ADAM12: variants seen among roughly 807,000 people sequenced by gnomAD.
The protein encoded by ADAM12 is ADAM metallopeptidase domain 12, also known as disintegrin and metalloproteinase domain-containing protein 12.
Under a neutral mutation model 106.4 loss-of-function variants are expected in ADAM12, and 70 were observed. The observed-to-expected ratio is 0.66, with a 90% CI of 0.54 to 0.80. The LOEUF (loss-of-function observed/expected upper bound fraction) is 0.80, where lower values mean the gene tolerates loss of function less well. Ranked by LOEUF, ADAM12 falls within the 30% of genes least tolerant of loss-of-function variation. The pLI is 0.00. For missense variants in ADAM12, 1,010 were observed against 1,171.9 expected (o/e 0.86, Z 2.02); for synonymous variants, 420 against 433.5 (o/e 0.97, Z 0.39).
intron 12 of ADAM12, among the ~76,000 whole-genome samples, chr10:126,067,552 A>T (rs1954897109): frequency 6.6e-6 from 1 of 152,228 alleles, no homozygotes; most frequent in Admixed American, 6.5e-5. Flanking sequence ...ACACGTACCC[A>T]TTGCTTCCAT....
At chr10:126,176,866 CTGAGAGAGAGAAAAAGCA>C (rs1458761036) in intron 3 of ADAM12, among the ~76,000 whole-genome samples, 1 of 152,094 alleles carries the variant, frequency 6.6e-6, no homozygotes, top group African/African-American at 2.4e-5. Context: ...CTGCCGAAGC[CTGAGAGAGAGAAAAAGCA>C]TGGAGAGAAA....
intron 4 of ADAM12, among the ~76,000 whole-genome samples, chr10:126,139,484 T>G (rs1956470109): frequency 6.6e-6 from 1 of 152,238 alleles, no homozygotes; most frequent in Non-Finnish European, 1.5e-5. Flanking sequence ...CGTATCTTTT[T>G]TCTATGTTGC....
At chr10:126,050,832 C>T (rs1954463261) in intron 14 of ADAM12, among the ~76,000 whole-genome samples, 1 of 152,226 alleles carries the variant, frequency 6.6e-6, no homozygotes. Flanking sequence ...GCTCCAATCT[C>T]TGCAATGAGC....
chr10:126,083,137 C>G (rs893472364), intron 11 of ADAM12, among the ~76,000 whole-genome samples: 1 of 152,200 alleles, frequency 6.6e-6, no homozygotes, highest in Non-Finnish European at 1.5e-5. Flanking sequence ...CTGCCTGGAG[C>G]GGGGCTGGCC....
chr10:126,329,328 T>C (rs1309721100), intron 2 of ADAM12, among the ~76,000 whole-genome samples: 4 of 152,212 alleles, frequency 2.6e-5, no homozygotes, highest in Admixed American at 6.5e-5. Context: ...TATTTTTCTA[T>C]TATTCATGTA....
At chr10:126,165,762 C>T (rs1011968881) in intron 3 of ADAM12, among the ~76,000 whole-genome samples, 8 of 152,180 alleles carry the variant, frequency 5.3e-5, no homozygotes, top group Non-Finnish European at 1.0e-4. Context: ...TTTTTTCCTC[C>T]ATGTTGGAAG....
At chr10:126,353,216 G>T (rs1455747843) in intron 1 of ADAM12, among the ~76,000 whole-genome samples, 1 of 152,216 alleles carries the variant, frequency 6.6e-6, no homozygotes, top group Non-Finnish European at 1.5e-5. Flanking sequence ...CTCATGGATG[G>T]ATCATTGTGT....
At chr10:126,340,102 C>T (rs1007109139) in intron 1 of ADAM12, among the ~76,000 whole-genome samples, 3 of 152,222 alleles carry the variant, frequency 2.0e-5, no homozygotes, top group African/African-American at 2.4e-5. Context: ...ATCCACCCAC[C>T]TTGGCTTCCC....
intron 1 of ADAM12, among the ~76,000 whole-genome samples, chr10:126,350,520 G>C (rs1855312246): frequency 6.6e-6 from 1 of 152,222 alleles, no homozygotes; most frequent in South Asian, 2.1e-4. Flanking sequence ...ACCTGGCCCT[G>C]TCAACTCCAT....
At position 126,049,474 on chromosome 10, in the gene ADAM12, T is replaced by G. The variant is rs777124254; in HGVS notation, c.1719-23A>C. 9.3e-6 allele frequency: 15 copies of G among 1,614,042 alleles called. No individual in the cohort carries two copies. The highest frequency in any genetic ancestry group is 1.1e-5 in the Non-Finnish European group (13 of 1,179,928). ...TCTCTGGAAGGGTAAGAACAAACAATTCCCAAGGAGAAACCATTTGGAACC... is the reference window on the plus strand; with the variant it reads ...TCTCTGGAAGGGTAAGAACAAACAAGTCCCAAGGAGAAACCATTTGGAACC... On this transcript the variant is annotated intron_variant, in intron 15 of 22. Transcript: ENST00000448723. This position sits in a 1 kb window ranked among gnomAD's most constrained non-coding sequence, Gnocchi z 4.4.
chr10:126,337,300 T>G (rs72828749), intron 1 of ADAM12, among the ~76,000 whole-genome samples: 27,101 of 152,020 alleles, frequency 0.18, 2,576 homozygotes, highest in Middle Eastern at 0.29. Flanking sequence ...AAGTCTGATG[T>G]CCCAGGGCAG....
At chr10:126,024,373 ATG>A (rs1018317304) in intron 21 of ADAM12, among the ~76,000 whole-genome samples, 12 of 152,204 alleles carry the variant, frequency 7.9e-5, no homozygotes, top group African/African-American at 2.9e-4. Flanking sequence ...TGTAGAATAA[ATG>A]TGAGTAAATT....
intron 2 of ADAM12, among the ~76,000 whole-genome samples, chr10:126,279,716 A>T (rs892269581): frequency 1.7e-5 from 2 of 120,870 alleles, no homozygotes; most frequent in East Asian, 5.0e-4. Flanking sequence ...AACAAGAGCG[A>T]AACTTCGTCT....
intron 3 of ADAM12, among the ~76,000 whole-genome samples, chr10:126,231,503 T>TATAG (rs1383270345): frequency 1.3e-5 from 2 of 152,302 alleles, no homozygotes; most frequent in East Asian, 3.9e-4. Context: ...CTGCGCCATC[T>TATAG]ATAGCAACTC....
intron 2 of ADAM12, among the ~76,000 whole-genome samples, chr10:126,298,038 T>G (rs958314020): frequency 1.3e-5 from 2 of 151,858 alleles, no homozygotes; most frequent in Non-Finnish European, 2.9e-5. Context: ...GAGAAGTAGA[T>G]CAGTCTTCAC....
intron 1 of ADAM12, among the ~76,000 whole-genome samples, chr10:126,384,933 A>C (rs1444060850): frequency 6.6e-6 from 1 of 152,214 alleles, no homozygotes; most frequent in Non-Finnish European, 1.5e-5. Context: ...GTCAGATGCC[A>C]ATCACAAGTA....
chr10:126,287,952 G>A (rs764762310), intron 2 of ADAM12, among the ~76,000 whole-genome samples: 19 of 152,160 alleles, frequency 1.2e-4, no homozygotes, highest in Non-Finnish European at 2.6e-4. Flanking sequence ...CAGGGCCACC[G>A]AGATGCCTCT....
At chr10:126,092,866 C>A (rs1282248607) in intron 11 of ADAM12, among the ~76,000 whole-genome samples, 2 of 152,236 alleles carry the variant, frequency 1.3e-5, no homozygotes, top group Admixed American at 1.3e-4. Flanking sequence ...GTTTCAAGGG[C>A]AACTCAATGC....
intron 2 of ADAM12, among the ~76,000 whole-genome samples, chr10:126,302,477 T>C (rs1960666806): frequency 6.6e-6 from 1 of 152,168 alleles, no homozygotes; most frequent in Non-Finnish European, 1.5e-5. Context: ...ACAGAAATGA[T>C]GACGAGAAGA....
Sources: gnomAD v4.1 joint callset for allele counts (sites outside exome capture counted in the v4.1 genomes callset) on GRCh38, gnomAD v4.1.1 for gene constraint, Gnocchi (gnomAD v3.1) non-coding constraint, MANE v1.5 for transcripts, NCBI Gene and HGNC (gene_info 2026-07-23, HGNC 2026-07-21) for gene names.